The following AGO3 variants were observed in gnomAD, a reference collection of about 807,000 sequenced individuals.
AGO3 encodes the protein argonaute RISC catalytic component 3.
In AGO3, 16 loss-of-function variants were observed where a neutral mutation model predicts 105.5. That is an observed-to-expected ratio of 0.15 (90% confidence interval 0.10 to 0.23). AGO3 has a LOEUF of 0.23. AGO3 is among the 10% of genes least tolerant of loss of function. The pLI, the probability that AGO3 is intolerant of heterozygous loss-of-function variation, is 1.00. For synonymous variants in AGO3, 340 were observed against 367.3 expected (o/e 0.93, Z 0.85); for missense variants, 534 against 1,088.0 (o/e 0.49, Z 7.16).
chr1:35,967,446 G>A (rs1272726584), intron 3 of AGO3, among the ~76,000 whole-genome samples: 1 of 151,566 alleles, frequency 6.6e-6, no homozygotes, highest in African/African-American at 2.4e-5. Context: ...ACAGGGTCTC[G>A]CTTTGTCACC....
intron 12 of AGO3, among the ~76,000 whole-genome samples, chr1:36,030,467 A>C (rs902497478): frequency 6.6e-6 from 1 of 151,176 alleles, no homozygotes. Flanking sequence ...ATGCCACTGC[A>C]CTCCAGCAGC....
At chr1:36,030,364 A>C (rs1641715250) in intron 12 of AGO3, among the ~76,000 whole-genome samples, 1 of 152,024 alleles carries the variant, frequency 6.6e-6, no homozygotes, top group African/African-American at 2.4e-5. Context: ...TTAGCCAGGC[A>C]TGGTAGTACA....
In AGO3 at chr1:36,055,251, AATG is replaced by A; in HGVS notation, c.2474+111_2474+113del. 2 of 1,249,094 alleles carry A rather than the reference AATG, an allele frequency of 1.6e-6. No homozygotes were observed. Among genetic ancestry groups the A allele is most frequent in the East Asian group, 2.5e-5 (1 of 39,354 alleles). The allele number at this position is 1,249,094 out of a possible 1,614,324, so 77.4% of individuals were successfully genotyped here. A position where few individuals can be genotyped will look rare whatever the true frequency, so the allele number is the denominator to read the frequency against. On this transcript the variant is annotated intron_variant, in intron 18 of 18. Transcript: ENST00000373191. This position sits in a 1 kb window ranked among gnomAD's most constrained non-coding sequence, Gnocchi z 4.4. ...AGCGGAGTCAGTGATCCATGTGAAA[AATG>A]ATGACAGAACTGACTGCCCAAGGTT...
intron 1 of AGO3, among the ~76,000 whole-genome samples, chr1:35,943,789 C>T (rs1198711185): frequency 2.0e-5 from 3 of 151,528 alleles, no homozygotes; most frequent in Non-Finnish European, 2.9e-5. Flanking sequence ...TAGATACAAA[C>T]GGGGTTTTAC....
intron 2 of AGO3, among the ~76,000 whole-genome samples, chr1:35,956,408 T>C (rs1395629907): frequency 6.6e-6 from 1 of 152,144 alleles, no homozygotes; most frequent in African/African-American, 2.4e-5. Flanking sequence ...AGTGTCTAGC[T>C]AAGTGTCAGG....
intron 11 of AGO3, among the ~76,000 whole-genome samples, chr1:36,026,067 G>C (rs1242584742): frequency 6.6e-6 from 1 of 151,854 alleles, no homozygotes. Flanking sequence ...TTGGTTTTGG[G>C]GGTTTTTCAG....
At chr1:36,020,817 T>G (rs2148826671) in intron 11 of AGO3, among the ~76,000 whole-genome samples, 1 of 151,728 alleles carries the variant, frequency 6.6e-6, no homozygotes, top group South Asian at 2.1e-4. Flanking sequence ...GGGTTTCACC[T>G]TGTTGGCCAG....
intron 2 of AGO3, among the ~76,000 whole-genome samples, chr1:35,957,836 CAGG>C (rs1410109829): frequency 1.3e-5 from 2 of 151,990 alleles, no homozygotes; most frequent in Non-Finnish European, 2.9e-5. Flanking sequence ...GAGGCCAAGG[CAGG>C]AGGAGTGCTG....
rs539027719 is a variant in AGO3 at position 35,957,486 on chromosome 1, G to A, written c.192-9469G>A. On this transcript the variant is annotated intron_variant, in intron 2 of 18. Coordinates refer to ENST00000373191, the MANE Select transcript of AGO3 (RefSeq NM_024852.4). ...CATGCCTGTAATCCCAGCACTTTGCGAGGCTGACGCAGGCAGATCACTTGA... is the reference window on the plus strand; with the variant it reads ...CATGCCTGTAATCCCAGCACTTTGCAAGGCTGACGCAGGCAGATCACTTGA... Among the ~76,000 whole-genome samples, 32 of 152,126 alleles carry A rather than the reference G, an allele frequency of 2.1e-4. 1 individual carries two copies. In the South Asian group the frequency reaches 2.9e-3, roughly 14 times the overall value.
intron 17 of AGO3, among the ~76,000 whole-genome samples, chr1:36,053,905 C>T (rs1391636692): frequency 2.0e-5 from 3 of 151,936 alleles, no homozygotes; most frequent in East Asian, 1.9e-4. Flanking sequence ...CGCATCACCA[C>T]GCCTAGCTAA....
At chr1:36,033,881 G>A (rs961960427) in intron 12 of AGO3, among the ~76,000 whole-genome samples, 4 of 152,148 alleles carry the variant, frequency 2.6e-5, no homozygotes, top group Non-Finnish European at 5.9e-5. Flanking sequence ...GGGATTATGT[G>A]CATGTTTCAC....
At chr1:36,043,122 C>A (rs955112062) in intron 16 of AGO3, 1 of 207,540 alleles carries the variant, frequency 4.8e-6, no homozygotes, top group South Asian at 1.3e-4. Context: ...ACCTACTATG[C>A]ACAGGTACCA....
At chr1:35,978,383 G>A (rs1000359621) in intron 5 of AGO3, among the ~76,000 whole-genome samples, 2 of 152,054 alleles carry the variant, frequency 1.3e-5, no homozygotes, top group African/African-American at 4.8e-5. Flanking sequence ...GTAGAGATGG[G>A]GTTTCACCAT....
At chr1:36,025,790 CA>C (rs1358640369) in intron 11 of AGO3, among the ~76,000 whole-genome samples, 2 of 152,126 alleles carry the variant, frequency 1.3e-5, no homozygotes, top group Non-Finnish European at 2.9e-5. Flanking sequence ...GTAATCCCAG[CA>C]CTTTGGGAGG....
In AGO3 at chr1:36,027,517, C is replaced by G. The variant is rs1040844192; in HGVS notation, c.1591+219C>G. ...TCCGGGCTGGGCGTGGTGGCTCACGCCTGTAATCCCAGCACTTTGGGAGGC... is the reference window on the plus strand; with the variant it reads ...TCCGGGCTGGGCGTGGTGGCTCACGGCTGTAATCCCAGCACTTTGGGAGGC... On this transcript the variant is annotated intron_variant, in intron 12 of 18. Coordinates refer to ENST00000373191, the MANE Select transcript of AGO3 (RefSeq NM_024852.4). This position sits in a 1 kb window ranked among gnomAD's most constrained non-coding sequence, Gnocchi z 4.0. Among the ~76,000 whole-genome samples the G allele has an allele frequency of 3.3e-5, 5 of 152,198 alleles. No homozygotes were observed. Among genetic ancestry groups the G allele is most frequent in the Non-Finnish European group, 5.9e-5 (4 of 68,040 alleles).
intron 1 of AGO3, 78 bp downstream of exon 1, chr1:35,931,523 G>A (rs1557636544): frequency 1.5e-6 from 2 of 1,302,722 alleles, no homozygotes; most frequent in East Asian, 3.1e-5. Flanking sequence ...CTCCCGCCCG[G>A]CCCAGGTGCG....
In AGO3 at chr1:35,931,293, G is replaced by T. The variant is rs562387235; in HGVS notation, c.-134G>T. 1.4e-6 allele frequency: 1 copy of T among 731,086 alleles called. No individual in the cohort carries two copies. Among genetic ancestry groups the T allele is most frequent in the South Asian group, 3.1e-5 (1 of 32,648 alleles). 45.3% of individuals were successfully genotyped at this position (731,086 alleles called of 1,614,324 possible). A position where few individuals can be genotyped will look rare whatever the true frequency, so the allele number is the denominator to read the frequency against. On this transcript the variant is annotated 5_prime_UTR_variant, in exon 1 of 19. Transcript: ENST00000373191. Reference sequence around the variant, plus strand: ...GCTTTCGGAGTGCGGTTGCTCAGGGGAAGCCGTCGCCGCCCCCGCCTCGGG... The same window carrying T: ...GCTTTCGGAGTGCGGTTGCTCAGGGTAAGCCGTCGCCGCCCCCGCCTCGGG...
chr1:35,948,485 G>A (rs1646411017), intron 2 of AGO3, among the ~76,000 whole-genome samples: 1 of 117,972 alleles, frequency 8.5e-6, no homozygotes, highest in African/African-American at 3.2e-5. Context: ...CCCACCGCCG[G>A]CCTCCCAAAG....
At chr1:36,038,477 G>A (rs189338751) in intron 14 of AGO3, among the ~76,000 whole-genome samples, 1 of 151,984 alleles carries the variant, frequency 6.6e-6, no homozygotes, top group African/African-American at 2.4e-5. Flanking sequence ...GGATGGTCTT[G>A]ATCTCCTGAC....
Sources: allele counts gnomAD v4.1 joint callset (sites outside exome capture counted in the v4.1 genomes callset), GRCh38; gene constraint gnomAD v4.1.1; non-coding constraint Gnocchi (gnomAD v3.1); transcripts MANE v1.5; gene names NCBI Gene and HGNC (gene_info 2026-07-23, HGNC 2026-07-21).